SLC12A8: variants seen among roughly 807,000 people sequenced by gnomAD.
SLC12A8 encodes solute carrier family 12 member 8, also known as cation-chloride cotransporter 9.
Under a neutral mutation model 75.6 loss-of-function variants are expected in SLC12A8, and 69 were observed. That is an observed-to-expected ratio of 0.91 (90% CI 0.75 to 1.11). SLC12A8 has a LOEUF of 1.11. SLC12A8 is among the 50% of genes most tolerant of loss of function. The probability of loss-of-function intolerance (pLI) is 0.00; values close to 1 mark genes in which losing one functional copy is unlikely to be tolerated. For synonymous variants in SLC12A8, 365 were observed against 372.8 expected, an observed-to-expected ratio of 0.98 and a Z score of 0.24; for missense variants, 877 against 896.7, an observed-to-expected ratio of 0.98 and a Z score of 0.28.
intron 5 of SLC12A8, among the ~76,000 whole-genome samples, chr3:125,166,305 C>A (rs1934285458): frequency 8.0e-6 from 1 of 124,476 alleles, no homozygotes; most frequent in African/African-American, 2.7e-5. Context: ...CTTGGCCTCA[C>A]CCCATACCCC....
chr3:125,202,628 ATGTTTT>A (rs1935146065), intron 2 of SLC12A8, among the ~76,000 whole-genome samples: 1 of 122,916 alleles, frequency 8.1e-6, no homozygotes, highest in South Asian at 3.5e-4. Context: ...TGTATTAACC[ATGTTTT>A]TTTTTTTTTT....
At chr3:125,164,945 C>T (rs376433480) in intron 5 of SLC12A8, among the ~76,000 whole-genome samples, 55 of 152,230 alleles carry the variant, frequency 3.6e-4, no homozygotes, top group Non-Finnish European at 7.8e-4. Flanking sequence ...GGGATGGAGG[C>T]CAGGCTGTGA....
intron 2 of SLC12A8, among the ~76,000 whole-genome samples, chr3:125,191,084 C>T (rs1224811504): frequency 6.6e-6 from 1 of 152,208 alleles, no homozygotes; most frequent in Non-Finnish European, 1.5e-5. Flanking sequence ...CTTCTAACAC[C>T]TCTGCAATCA....
intron 8 of SLC12A8, among the ~76,000 whole-genome samples, chr3:125,115,248 G>A (rs1482120438): frequency 2.0e-5 from 3 of 152,282 alleles, no homozygotes; most frequent in East Asian, 1.9e-4. Context: ...GTCGCCGGGC[G>A]CAGTAGCTCA....
At chr3:125,120,783 G>A in intron 6 of SLC12A8, 97 bp from the exon 7 acceptor site, 1 of 904,686 alleles carries the variant, frequency 1.1e-6, no homozygotes, top group African/African-American at 1.6e-5. Flanking sequence ...CCCTCTCCTG[G>A]AAGCTGTCCC....
At position 125,120,603 on chromosome 3, in the gene SLC12A8, T is replaced by C. The variant is rs1933030156; in HGVS notation, c.820A>G (p.Ile274Val). 3.1e-6 allele frequency: 5 copies of C among 1,612,660 alleles called. No individual in the cohort carries two copies. The highest frequency in any genetic ancestry group is 4.2e-6 in the Non-Finnish European group (5 of 1,179,118). The change falls in exon 7 of 14, where the codon ATC (isoleucine) becomes GTC (valine). Residue 274 changes from isoleucine (I) to valine (V), a missense_variant. Ile to Val is a conservative substitution (Grantham distance 29). Coordinates refer to ENST00000469902, the MANE Select transcript of SLC12A8 (RefSeq NM_024628.6). ...IPLGSLAAVGISWFLYIIFVF... is the reference protein window; with the variant it reads ...IPLGSLAAVGVSWFLYIIFVF... Reference sequence around the variant, plus strand: ...ATTGCCATGAGGGGAACTTACGAGATGCCAACAGCTGCCAGGGAGCCCAGG... The same window carrying C: ...ATTGCCATGAGGGGAACTTACGAGACGCCAACAGCTGCCAGGGAGCCCAGG...
At chr3:125,174,336 C>A (rs570648477) in intron 5 of SLC12A8, among the ~76,000 whole-genome samples, 4 of 152,170 alleles carry the variant, frequency 2.6e-5, no homozygotes, top group African/African-American at 9.6e-5. Flanking sequence ...ACTGACAATA[C>A]CAAATGCTGA....
Position 125,187,362 on chromosome 3 carries a change from C to T in SLC12A8, c.265G>A (p.Val89Met). Residue 89 changes from valine (V) to methionine (M), a missense_variant, in exon 4 of 14, where the codon GTG (valine) becomes ATG (methionine). Coordinates refer to ENST00000469902, the MANE Select transcript of SLC12A8 (RefSeq NM_024628.6). ...SFVILVALVT[V>M]LSGIGVGERS... is the part of the protein sequence containing the mutation. ...TCCCCGACGCCAATGCCAGACAGCA[C>T]CGTGACGAGGGCCACCAGGATGACG... 6.2e-7 allele frequency: 1 copy of T among 1,614,198 alleles called. No individual in the cohort carries two copies.
At chr3:125,162,709 T>G (rs1934201237) in intron 5 of SLC12A8, among the ~76,000 whole-genome samples, 1 of 152,182 alleles carries the variant, frequency 6.6e-6, no homozygotes, top group African/African-American at 2.4e-5. Flanking sequence ...TGCTACCCAC[T>G]CTGGATCCTC....
rs1478456824 is a variant in SLC12A8 at position 125,119,001 on chromosome 3, G to C, written c.825-145C>G. The C allele has an allele frequency of 5.3e-6, 3 of 568,080 alleles. No individual in the cohort carries two copies. In the African/African-American group the frequency reaches 5.7e-5, roughly 11 times the overall value. 35.2% of individuals were successfully genotyped at this position (568,080 alleles called of 1,614,324 possible). ...GTCATGAAGCTTCCCCAGCTGGCTT[G>C]GGAGGACACTTTTTGTACTATTTCT... On this transcript the variant is annotated intron_variant, in intron 7 of 13. Coordinates refer to ENST00000469902, the MANE Select transcript of SLC12A8 (RefSeq NM_024628.6).
intron 10 of SLC12A8, among the ~76,000 whole-genome samples, chr3:125,098,260 T>C (rs927745721): frequency 6.6e-6 from 1 of 152,186 alleles, no homozygotes; most frequent in Non-Finnish European, 1.5e-5. Context: ...CGTGGTATTT[T>C]ATCATGTTGA....
At chr3:125,100,191 C>T (rs889578209) in intron 10 of SLC12A8, among the ~76,000 whole-genome samples, 1 of 151,956 alleles carries the variant, frequency 6.6e-6, no homozygotes, top group Non-Finnish European at 1.5e-5. Flanking sequence ...TAATGGAAGT[C>T]CCACAGGGAC....
chr3:125,159,607 A>G (rs1240792759), intron 5 of SLC12A8, among the ~76,000 whole-genome samples: 2 of 152,028 alleles, frequency 1.3e-5, no homozygotes, highest in African/African-American at 4.8e-5. Flanking sequence ...AGCACCAGGT[A>G]TTTCTGGACA....
intron 13 of SLC12A8, among the ~76,000 whole-genome samples, chr3:125,086,429 G>C (rs116654019): frequency 1.8e-3 from 281 of 152,188 alleles, no homozygotes; most frequent in African/African-American, 6.2e-3. Context: ...GACCTCCAAG[G>C]TGAAATCCTA....
In SLC12A8 at chr3:125,200,727, TAA is replaced by T. The variant is rs902258912; in HGVS notation, c.52-10208_52-10207del. Among the ~76,000 whole-genome samples the T allele has an allele frequency of 4.1e-4, 62 of 152,368 alleles. 1 individual carries two copies. The highest frequency in any genetic ancestry group is 1.4e-3 in the African/African-American group (59 of 41,594). Reference sequence around the variant, plus strand: ...TACCTCAAAATTCTTTGTGTATCTCTAAGTTTTTAAATTTGTTTTTGCTTTGT... The same window carrying T: ...TACCTCAAAATTCTTTGTGTATCTCTGTTTTTAAATTTGTTTTTGCTTTGT... On this transcript the variant is annotated intron_variant, in intron 2 of 13. Coordinates refer to ENST00000469902, the MANE Select transcript of SLC12A8 (RefSeq NM_024628.6).
At chr3:125,101,449 C>T (rs2788462) in intron 10 of SLC12A8, among the ~76,000 whole-genome samples, 46,585 of 152,140 alleles carry the variant, frequency 0.31, 7,693 homozygotes, top group Middle Eastern at 0.52. Flanking sequence ...TCTCACCTGA[C>T]ATCTTTTCAG....
intron 6 of SLC12A8, among the ~76,000 whole-genome samples, chr3:125,135,232 C>T (rs1433798594): frequency 1.3e-5 from 2 of 152,108 alleles, no homozygotes; most frequent in African/African-American, 2.4e-5. Flanking sequence ...TGTGCTGGTA[C>T]GGGTAGGGGG....
intron 6 of SLC12A8, among the ~76,000 whole-genome samples, chr3:125,126,617 T>G (rs1388831473): frequency 1.3e-5 from 2 of 152,198 alleles, no homozygotes; most frequent in Non-Finnish European, 2.9e-5. Context: ...AAAATGAAGA[T>G]TAGTAGGAAA....
At chr3:125,193,875 T>A (rs572019061) in intron 2 of SLC12A8, among the ~76,000 whole-genome samples, 1 of 152,310 alleles carries the variant, frequency 6.6e-6, no homozygotes, top group East Asian at 1.9e-4. Flanking sequence ...TTCCAGGCTC[T>A]CTTGTTAAAC....
Sources: gnomAD v4.1 joint callset for allele counts (sites outside exome capture counted in the v4.1 genomes callset) on GRCh38, gnomAD v4.1.1 for gene constraint, MANE v1.5 for transcripts, NCBI Gene and HGNC (gene_info 2026-07-23, HGNC 2026-07-21) for gene names.